Variants in YAP1 observed in about 807,000 individuals in gnomAD.
The protein encoded by YAP1 is Yes1 associated transcriptional regulator.
A neutral mutation model predicts 56.9 loss-of-function variants in YAP1; 5 were observed. The ratio of observed to expected loss-of-function variants is 0.09; its 90% confidence interval spans 0.05 to 0.18. The LOEUF (loss-of-function observed/expected upper bound fraction) is 0.18. YAP1 is among the 10% of genes least tolerant of loss of function. The pLI is 1.00. For synonymous variants in YAP1, 265 were observed against 248.1 expected, an observed-to-expected ratio of 1.07 and a Z score of -0.64; for missense variants, 539 against 651.8, an observed-to-expected ratio of 0.83 and a Z score of 1.88.
intron 6 of YAP1, among the ~76,000 whole-genome samples, chr11:102,223,140 C>T (rs886666981): frequency 2.7e-5 from 4 of 150,696 alleles, no homozygotes; most frequent in East Asian, 2.0e-4. Flanking sequence ...CCCAGCTACT[C>T]GGGAGGCTGA....
At chr11:102,195,339 A>G (rs1052821429) in intron 4 of YAP1, among the ~76,000 whole-genome samples, 8 of 152,144 alleles carry the variant, frequency 5.3e-5, no homozygotes, top group African/African-American at 1.9e-4. Flanking sequence ...ATTATAATGA[A>G]TTTTTATGGT....
At chr11:102,116,877 G>T (rs1943318490) in intron 2 of YAP1, among the ~76,000 whole-genome samples, 3 of 152,126 alleles carry the variant, frequency 2.0e-5, no homozygotes, top group Non-Finnish European at 4.4e-5. Flanking sequence ...TAAAATCATG[G>T]TTACTTGGTA....
At chr11:102,202,702 T>G (rs1948933771) in intron 4 of YAP1, among the ~76,000 whole-genome samples, 1 of 152,172 alleles carries the variant, frequency 6.6e-6, no homozygotes, top group Non-Finnish European at 1.5e-5. Context: ...TTTTGTAACC[T>G]CTAATGAAAT....
At chr11:102,138,557 G>A (rs1304689659) in intron 2 of YAP1, among the ~76,000 whole-genome samples, 1 of 152,182 alleles carries the variant, frequency 6.6e-6, no homozygotes, top group African/African-American at 2.4e-5. Context: ...ACATTCTGTT[G>A]TAGATTAGTT....
chr11:102,196,877 T>C (rs979385473), intron 4 of YAP1, among the ~76,000 whole-genome samples: 4 of 152,330 alleles, frequency 2.6e-5, no homozygotes, highest in African/African-American at 9.6e-5. Context: ...CTTTTCCTTT[T>C]CTTTTGTAAA....
intron 2 of YAP1, 149 bp from the exon 3 acceptor site, chr11:102,162,307 C>A: frequency 1.7e-6 from 1 of 596,346 alleles, no homozygotes. Flanking sequence ...ATGTCTGTTG[C>A]AGAGGGAGGC....
intron 2 of YAP1, among the ~76,000 whole-genome samples, chr11:102,139,634 C>T (rs1025542901): frequency 6.6e-6 from 1 of 152,190 alleles, no homozygotes; most frequent in Non-Finnish European, 1.5e-5. Flanking sequence ...ATTCCCCCAT[C>T]CCCTACTCCC....
At chr11:102,164,188 C>T (rs1041669733) in intron 3 of YAP1, among the ~76,000 whole-genome samples, 1 of 152,080 alleles carries the variant, frequency 6.6e-6, no homozygotes, top group African/African-American at 2.4e-5. Flanking sequence ...GCGCCTGCCT[C>T]CACACCCAGC....
chr11:102,122,539 T>C (rs1474473501), intron 2 of YAP1, among the ~76,000 whole-genome samples: 1 of 152,154 alleles, frequency 6.6e-6, no homozygotes, highest in Admixed American at 6.5e-5. Context: ...TGAAATTTAA[T>C]TTTTAGGGAA....
chr11:102,180,607 G>A (rs1947540156), intron 3 of YAP1, among the ~76,000 whole-genome samples: 1 of 150,246 alleles, frequency 6.7e-6, no homozygotes. Context: ...GCATGAACCT[G>A]GGAGGTGGAG....
chr11:102,170,500 C>G (rs1257850623), intron 3 of YAP1, among the ~76,000 whole-genome samples: 1 of 150,788 alleles, frequency 6.6e-6, no homozygotes, highest in East Asian at 1.9e-4. Context: ...GTCCTCTTTG[C>G]TTTACTTTAG....
intron 2 of YAP1, among the ~76,000 whole-genome samples, chr11:102,120,221 T>A (rs975943359): frequency 1.8e-4 from 27 of 152,232 alleles, no homozygotes; most frequent in African/African-American, 6.3e-4. Context: ...GCACTTTTAT[T>A]TACGTAGGGC....
In YAP1 at chr11:102,152,295, T is replaced by G. The variant is rs146931951; in HGVS notation, c.573-10161T>G. Among the ~76,000 whole-genome samples, 9 of 152,366 alleles carry G rather than the reference T, an allele frequency of 5.9e-5. No individual in the cohort carries two copies. In the East Asian group the frequency reaches 1.5e-3, roughly 26 times the overall value. On this transcript the variant is annotated intron_variant, in intron 2 of 8. Transcript: ENST00000282441. Reference sequence around the variant, plus strand: ...CTGATGAAACAGCTTTGTAGTGACTTGTTTCTCAACCTCTGAGGCATTGAC... The same window carrying G: ...CTGATGAAACAGCTTTGTAGTGACTGGTTTCTCAACCTCTGAGGCATTGAC...
At chr11:102,161,643 T>C (rs927323322) in intron 2 of YAP1, among the ~76,000 whole-genome samples, 10 of 152,288 alleles carry the variant, frequency 6.6e-5, no homozygotes, top group African/African-American at 1.9e-4. Flanking sequence ...TGCAGGATAC[T>C]TTTTAAGGTA....
chr11:102,121,766 AT>A (rs1337884498), intron 2 of YAP1, among the ~76,000 whole-genome samples: 5 of 152,126 alleles, frequency 3.3e-5, no homozygotes, highest in Admixed American at 3.3e-4. Flanking sequence ...GATTTTAGGC[AT>A]TTCTTTTAAT....
Position 102,230,181 on chromosome 11 carries a change from C to G in YAP1, c.*241C>G, listed in dbSNP as rs911147912. On this transcript the variant is annotated 3_prime_UTR_variant, in exon 9 of 9. Coordinates refer to ENST00000282441, the MANE Select transcript of YAP1 (RefSeq NM_001130145.3). The stretch of plus-strand genomic sequence containing the variant: ...AGAAAAAAACTTTTTATTTCTTTTG[C>G]TATTAAAACTACTGTTCATTTTGGG... The G allele has an allele frequency of 7.9e-6, 3 of 380,180 alleles. No individual in the cohort carries two copies. Among genetic ancestry groups the G allele is most frequent in the African/African-American group, 6.1e-5 (3 of 48,938 alleles). The allele number at this position is 380,180 out of a possible 1,614,324, so 23.6% of individuals were successfully genotyped here.
chr11:102,186,220 C>A, intron 4 of YAP1, 89 bp downstream of exon 4: 1 of 1,412,222 alleles, frequency 7.1e-7, no homozygotes, highest in Non-Finnish European at 9.7e-7. Context: ...TAAATAAAAT[C>A]GCATTGCTTT....
chr11:102,140,149 T>TA (rs917278326), intron 2 of YAP1, among the ~76,000 whole-genome samples: 11 of 151,010 alleles, frequency 7.3e-5, no homozygotes, highest in African/African-American at 1.9e-4. Flanking sequence ...TCTGATAGTG[T>TA]AAAAAAAATT....
chr11:102,112,569 C>T (rs939437930), intron 1 of YAP1: 132 of 985,012 alleles, frequency 1.3e-4, no homozygotes, highest in Non-Finnish European at 1.4e-4. Flanking sequence ...AGAGTTACCG[C>T]CCCCACTCCC....
Sources: allele counts gnomAD v4.1 joint callset (sites outside exome capture counted in the v4.1 genomes callset), GRCh38; gene constraint gnomAD v4.1.1; transcripts MANE v1.5; gene names NCBI Gene and HGNC (gene_info 2026-07-23, HGNC 2026-07-21).